RNF144A: variants seen among roughly 807,000 people sequenced by gnomAD.
The protein encoded by RNF144A is E3 ubiquitin-protein ligase RNF144A.
RNF144A carries 11 observed loss-of-function variants against 38.7 expected under a neutral mutation model. That is an observed-to-expected ratio of 0.28 (90% confidence interval 0.18 to 0.47). The LOEUF is 0.47. RNF144A is among the 20% of genes least tolerant of loss of function. RNF144A has a pLI of 0.99. For missense variants in RNF144A, 316 were observed against 377.2 expected, an observed-to-expected ratio of 0.84 and a Z score of 1.34; for synonymous variants, 149 against 143.9, an observed-to-expected ratio of 1.04 and a Z score of -0.25.
At chr2:6,946,688 C>T (rs1666364574) in intron 2 of RNF144A, among the ~76,000 whole-genome samples, 1 of 152,054 alleles carries the variant, frequency 6.6e-6, no homozygotes. Context: ...ATAATATTGA[C>T]AAACATGTAA....
At chr2:7,048,433 A>G (rs1182145077), downstream of RNF144A, among the ~76,000 whole-genome samples, 1 of 152,230 alleles carries the variant, frequency 6.6e-6, no homozygotes, top group East Asian at 1.9e-4. Flanking sequence ...TAAGGCTTAG[A>G]ATCATTAAGA....
intron 2 of RNF144A, 71 bp from the exon 3 acceptor site, chr2:6,996,844 GA>G (rs377198076): frequency 4.0e-6 from 6 of 1,507,206 alleles, no homozygotes; most frequent in African/African-American, 2.7e-5. Context: ...CTACAGCCAG[GA>G]GAACCTTGCC....
rs553144140 is a variant in RNF144A at position 6,943,730 on chromosome 2, C to T, written c.-12+2583C>T. Among the ~76,000 whole-genome samples the T allele has an allele frequency of 3.9e-5, 6 of 152,098 alleles. No individual in the cohort carries two copies. The South Asian group carries it at 8.3e-4, about 21-fold the overall frequency. ...GACAGATACATGCGTGGGTGGTGCT[C>T]GGAGGAGGAGGCTCTGCAGTTCTCT... On this transcript the variant is annotated intron_variant, in intron 2 of 8. Coordinates refer to ENST00000320892, the MANE Select transcript of RNF144A (RefSeq NM_014746.6). The surrounding 1 kb of genome is among the most constrained non-coding windows in gnomAD (Gnocchi z 4.3).
chr2:7,014,615 C>A, intron 4 of RNF144A, 57 bp downstream of exon 4: 2 of 1,519,100 alleles, frequency 1.3e-6, no homozygotes, highest in Non-Finnish European at 1.8e-6. Flanking sequence ...CACTGCTGAA[C>A]TTGTCAGAAT....
downstream of RNF144A, among the ~76,000 whole-genome samples, chr2:7,073,058 G>T (rs1674537312): frequency 6.6e-6 from 1 of 152,098 alleles, no homozygotes; most frequent in Non-Finnish European, 1.5e-5. Flanking sequence ...AGCCTCACCT[G>T]TCTATGATCC....
intron 5 of RNF144A, among the ~76,000 whole-genome samples, chr2:7,018,259 C>G (rs928972564): frequency 3.9e-5 from 6 of 152,172 alleles, no homozygotes; most frequent in African/African-American, 1.4e-4. Context: ...GGGAGGAGAG[C>G]AAAGAGCGGG....
Position 7,041,884 on chromosome 2 carries a change from T to C in RNF144A, c.*2124T>C. The C allele has an allele frequency of 1.0e-6, 1 of 985,438 alleles. No homozygotes were observed. The highest frequency in any genetic ancestry group is 1.2e-6 in the Non-Finnish European group (1 of 829,958). 61.0% of individuals were successfully genotyped at this position (985,438 alleles called of 1,614,324 possible). On this transcript the variant is annotated 3_prime_UTR_variant, in exon 9 of 9. Coordinates refer to ENST00000320892, the MANE Select transcript of RNF144A (RefSeq NM_014746.6). ...GCTAGAGCTCAGATGACCTTATTTC[T>C]AGAGGGACAGGCTGTTCTGTTGGAA... is the stretch of plus-strand genomic sequence containing the variant.
chr2:7,032,959 C>T (rs560012426), intron 8 of RNF144A, among the ~76,000 whole-genome samples: 84 of 152,360 alleles, frequency 5.5e-4, no homozygotes, highest in African/African-American at 1.7e-3. Context: ...GGTGCTGACT[C>T]GGGGGACCCG....
chr2:7,008,571 G>A (rs1410100334), intron 3 of RNF144A, among the ~76,000 whole-genome samples: 1 of 152,176 alleles, frequency 6.6e-6, no homozygotes, highest in African/African-American at 2.4e-5. Flanking sequence ...CAGCACTGCT[G>A]CTGCCTCCTG....
At chr2:7,070,523 T>TC (rs1674428138), downstream of RNF144A, among the ~76,000 whole-genome samples, 1 of 151,996 alleles carries the variant, frequency 6.6e-6, no homozygotes, top group South Asian at 2.1e-4. Flanking sequence ...TATGTTGAAG[T>TC]CCCCCCTCCC....
At chr2:7,070,330 C>A (rs1233428484), downstream of RNF144A, among the ~76,000 whole-genome samples, 1 of 152,102 alleles carries the variant, frequency 6.6e-6, no homozygotes, top group African/African-American at 2.4e-5. Flanking sequence ...GCCACCACAC[C>A]CAGCCAATTT....
At chr2:7,026,046 C>A (rs936309760) in intron 7 of RNF144A, among the ~76,000 whole-genome samples, 1 of 152,282 alleles carries the variant, frequency 6.6e-6, no homozygotes, top group Middle Eastern at 3.4e-3. Flanking sequence ...TGGGTCACCT[C>A]AGGCCTCCAA....
intron 2 of RNF144A, among the ~76,000 whole-genome samples, chr2:6,977,684 A>G (rs1162620536): frequency 6.6e-6 from 1 of 152,244 alleles, no homozygotes; most frequent in Non-Finnish European, 1.5e-5. Context: ...TAGAGTGTCC[A>G]TTAAACTTTA....
intron 7 of RNF144A, among the ~76,000 whole-genome samples, chr2:7,025,481 C>T (rs2103437354): frequency 6.6e-6 from 1 of 152,286 alleles, no homozygotes; most frequent in South Asian, 2.1e-4. Flanking sequence ...CAAGACCAGC[C>T]TGGGCAACAT....
intron 8 of RNF144A, among the ~76,000 whole-genome samples, chr2:7,037,252 G>A (rs478793): frequency 0.44 from 66,579 of 151,992 alleles, 15,494 homozygotes; most frequent in South Asian, 0.76. Flanking sequence ...TGGGTAACCC[G>A]GCTTCTCAAA....
intron 5 of RNF144A, among the ~76,000 whole-genome samples, chr2:7,015,693 G>A (rs543984640): frequency 6.6e-6 from 1 of 152,318 alleles, no homozygotes; most frequent in Non-Finnish European, 1.5e-5. Flanking sequence ...TGGGCCCCAG[G>A]CTTGTCTGGT....
Position 6,958,543 on chromosome 2 carries a change from G to T in RNF144A, c.-12+17396G>T, listed in dbSNP as rs1239191803. ...TTGGTGGAGCGCTGGCTCCTTCTGG[G>T]AGTTACAAATGTTGGGCTGTGACTA... is the stretch of plus-strand genomic sequence containing the variant. On this transcript the variant is annotated intron_variant, in intron 2 of 8. Coordinates refer to ENST00000320892, the MANE Select transcript of RNF144A (RefSeq NM_014746.6). This position sits in a 1 kb window ranked among gnomAD's most constrained non-coding sequence, Gnocchi z 4.5. Among the ~76,000 whole-genome samples the T allele has an allele frequency of 1.3e-5, 2 of 152,244 alleles. No homozygotes were observed. Among genetic ancestry groups the T allele is most frequent in the East Asian group, 3.9e-4 (2 of 5,180 alleles).
Position 7,041,709 on chromosome 2 carries a change from G to T in RNF144A, c.*1949G>T. ...GCCCAGCACACATGGGAGGCCTGTGGCCCTGTGTCCAGTGGCCCACAGGAC... is the reference window on the plus strand; with the variant it reads ...GCCCAGCACACATGGGAGGCCTGTGTCCCTGTGTCCAGTGGCCCACAGGAC... On this transcript the variant is annotated 3_prime_UTR_variant, in exon 9 of 9. Transcript: ENST00000320892. 5.1e-6 allele frequency: 5 copies of T among 985,460 alleles called. No individual in the cohort carries two copies. Among genetic ancestry groups the T allele is most frequent in the Non-Finnish European group, 6.0e-6 (5 of 829,970 alleles). 61.0% of individuals were successfully genotyped at this position (985,460 alleles called of 1,614,324 possible).
At chr2:7,073,158 C>A (rs1674540569), downstream of RNF144A, among the ~76,000 whole-genome samples, 1 of 152,224 alleles carries the variant, frequency 6.6e-6, no homozygotes, top group Admixed American at 6.5e-5. Context: ...GTTTCCTTTC[C>A]TAGGGATCCA....
Sources: allele counts gnomAD v4.1 joint callset (sites outside exome capture counted in the v4.1 genomes callset), GRCh38; gene constraint gnomAD v4.1.1; non-coding constraint Gnocchi (gnomAD v3.1); transcripts MANE v1.5; gene names NCBI Gene and HGNC (gene_info 2026-07-23, HGNC 2026-07-21).